TOM1L1: variants seen among roughly 807,000 people sequenced by gnomAD.
The protein encoded by TOM1L1 is target of myb1 like 1 membrane trafficking protein, also known as TOM1-like protein 1.
A neutral mutation model predicts 63.4 loss-of-function variants in TOM1L1; 64 were observed. The observed-to-expected ratio is 1.01, with a 90% CI of 0.83 to 1.24. The LOEUF (loss-of-function observed/expected upper bound fraction) is 1.24. TOM1L1 is among the 50% of genes most tolerant of loss of function. The pLI is 0.00. For missense variants in TOM1L1, 536 were observed against 567.0 expected (o/e 0.95, Z 0.55); for synonymous variants, 166 against 194.4 (o/e 0.85, Z 1.22).
chr17:54,931,236 A>T (rs2143861895), intron 8 of TOM1L1, among the ~76,000 whole-genome samples: 1 of 152,284 alleles, frequency 6.6e-6, no homozygotes, highest in East Asian at 1.9e-4. Flanking sequence ...TAAGTTGCAT[A>T]ACTTTTCTAA....
Position 54,937,123 on chromosome 17 carries a change from T to C in TOM1L1, c.930T>C (p.Pro310=). ...TTTGTTTTCAGACTACCAGTGAGCC[T>C]TCTGCCCCATCTCAAGATCTCCTCG... ...QKEATNTTSE[P]SAPSQDLLDL... Residue 310 remains proline (P), a synonymous_variant, in exon 10 of 16, where the codon CCT becomes CCC. Coordinates refer to ENST00000575882, the MANE Select transcript of TOM1L1 (RefSeq NM_005486.3). 1.2e-6 allele frequency: 2 copies of C among 1,611,482 alleles called. No individual in the cohort carries two copies. The highest frequency in any genetic ancestry group is 8.5e-7 in the Non-Finnish European group (1 of 1,178,650).
rs766574996 is a variant in TOM1L1, at chr17:54,914,727, C to T, written c.587C>T (p.Thr196Ile). 1 of 1,612,076 alleles carries T rather than the reference C, an allele frequency of 6.2e-7. No individual in the cohort carries two copies. Among genetic ancestry groups the T allele is most frequent in the South Asian group, 1.1e-5 (1 of 91,038 alleles). The change falls in exon 6 of 16, where the codon ACA (threonine) becomes ATA (isoleucine). Residue 196 changes from threonine (T) to isoleucine (I), a missense_variant. Coordinates refer to ENST00000575882, the MANE Select transcript of TOM1L1 (RefSeq NM_005486.3). ...SVIAPKNSTVTLVPEQIGKLH... is the reference protein window; with the variant it reads ...SVIAPKNSTVILVPEQIGKLH... ...ATTGCTCCAAAGAACTCGACTGTTA[C>T]ATTGGTCCCAGAACAGGTAACAACA...
Position 54,913,867 on chromosome 17 carries a change from A to C in TOM1L1, c.492A>C (p.Arg164Ser), listed in dbSNP as rs371117920. 6.2e-7 allele frequency: 1 copy of C among 1,607,122 alleles called. No individual in the cohort carries two copies. Among genetic ancestry groups the C allele is most frequent in the African/African-American group, 1.3e-5 (1 of 74,702 alleles). ...CAGAAGCAGAGGCTGAAACAGCAAG[A>C]CAAGAGGTAGGAGGCCTTTCTTTGA... The part of the protein sequence containing the change: ...PPSEAEAETA[R>S]QETAQISSNP... The change falls in exon 5 of 16, where the codon AGA (arginine) becomes AGC (serine). Residue 164 changes from arginine (R) to serine (S), a missense_variant. Transcript: ENST00000575882.
intron 7 of TOM1L1, among the ~76,000 whole-genome samples, chr17:54,928,077 C>T (rs1421374640): frequency 1.3e-5 from 2 of 152,216 alleles, no homozygotes; most frequent in Non-Finnish European, 2.9e-5. Context: ...TTTCTGTACA[C>T]TCTTTAAAGC....
At chr17:54,923,258 G>A (rs1042399206) in intron 7 of TOM1L1, among the ~76,000 whole-genome samples, 1 of 152,132 alleles carries the variant, frequency 6.6e-6, no homozygotes, top group Non-Finnish European at 1.5e-5. Context: ...CCTAAGAGTA[G>A]AATTGCTGGG....
intron 14 of TOM1L1, chr17:54,955,155 C>A (rs530003409): frequency 3.3e-5 from 5 of 152,210 alleles, no homozygotes. Flanking sequence ...TTGAATACTT[C>A]TGGTCCTCTT....
At chr17:54,940,629 G>A (rs1037957220) in intron 11 of TOM1L1, among the ~76,000 whole-genome samples, 4 of 152,116 alleles carry the variant, frequency 2.6e-5, no homozygotes, top group African/African-American at 7.2e-5. Context: ...TTACTGTCTA[G>A]CTGGGGGATA....
chr17:54,939,086 C>T, intron 11 of TOM1L1, 66 bp downstream of exon 11: 1 of 1,142,916 alleles, frequency 8.7e-7, no homozygotes, highest in Non-Finnish European at 1.3e-6. Flanking sequence ...ATTAAGAAAA[C>T]CTGATGGCTG....
Position 54,939,035 on chromosome 17 carries a change from A to T in TOM1L1, c.1130+15A>T. ...GAGATACCCCCGTAAGTATGTCAGT[A>T]ACACTGCAGAACTAATATCATGACA... On this transcript the variant is annotated intron_variant, in intron 11 of 15. Coordinates refer to ENST00000575882, the MANE Select transcript of TOM1L1 (RefSeq NM_005486.3). The T allele has an allele frequency of 7.0e-7, 1 of 1,438,732 alleles. No homozygotes were observed. The highest frequency in any genetic ancestry group is 2.3e-5 in the East Asian group (1 of 43,794). 89.1% of individuals were successfully genotyped at this position (1,438,732 alleles called of 1,614,324 possible).
chr17:54,901,073 TC>T, intron 1 of TOM1L1, 150 bp downstream of exon 1: 1 of 1,032,230 alleles, frequency 9.7e-7, no homozygotes, highest in Middle Eastern at 2.8e-4. Flanking sequence ...GCACCCGCAT[TC>T]CACCCGGCCC....
At chr17:54,911,055 A>G (rs533889630) in intron 3 of TOM1L1, among the ~76,000 whole-genome samples, 28 of 152,326 alleles carry the variant, frequency 1.8e-4, no homozygotes, top group African/African-American at 6.7e-4. Context: ...GTTTACTTTT[A>G]GAAATCTACT....
At chr17:54,914,373 A>G (rs1423914919) in intron 5 of TOM1L1, among the ~76,000 whole-genome samples, 1 of 80,128 alleles carries the variant, frequency 1.2e-5, no homozygotes, top group Non-Finnish European at 3.0e-5. Flanking sequence ...CCTTGGTTAA[A>G]AAAAAAAAAA....
chr17:54,904,134 G>A (rs2048371758), intron 2 of TOM1L1, among the ~76,000 whole-genome samples: 1 of 152,138 alleles, frequency 6.6e-6, no homozygotes, highest in Admixed American at 6.5e-5. Context: ...TTGGGAGGCC[G>A]AGGCGGGCGG....
Position 54,905,480 on chromosome 17 carries a change from T to G in TOM1L1, c.144-9T>G. 1 of 1,599,416 alleles carries G rather than the reference T, an allele frequency of 6.3e-7. No individual in the cohort carries two copies. ...TAAATTGGTGATTTCAGTGTATTTA[T>G]TGCTATAGGCCAAAAGATGCAGTGA... On this transcript the variant is annotated splice_polypyrimidine_tract_variant and intron_variant, in intron 2 of 15. Coordinates refer to ENST00000575882, the MANE Select transcript of TOM1L1 (RefSeq NM_005486.3).
chr17:54,950,232 A>C, intron 14 of TOM1L1, 106 bp downstream of exon 14: 1 of 772,378 alleles, frequency 1.3e-6, no homozygotes, highest in Non-Finnish European at 2.1e-6. Context: ...GTCTTGGCAG[A>C]AATTGATGGC....
chr17:54,951,599 G>A (rs2049240260), intron 14 of TOM1L1, among the ~76,000 whole-genome samples: 1 of 152,114 alleles, frequency 6.6e-6, no homozygotes, highest in Admixed American at 6.5e-5. Flanking sequence ...CTGTAACAAG[G>A]GCTATGGGAG....
intron 1 of TOM1L1, among the ~76,000 whole-genome samples, chr17:54,902,917 T>C (rs1173164987): frequency 6.6e-6 from 1 of 152,216 alleles, no homozygotes; most frequent in African/African-American, 2.4e-5. Context: ...TAGATGCTTA[T>C]TATTATTAGT....
At chr17:54,909,202 T>C (rs973635256) in intron 3 of TOM1L1, among the ~76,000 whole-genome samples, 11 of 152,206 alleles carry the variant, frequency 7.2e-5, no homozygotes, top group Non-Finnish European at 1.5e-4. Context: ...GAGGTTGCAG[T>C]GAGCCTAGAT....
intron 1 of TOM1L1, among the ~76,000 whole-genome samples, chr17:54,902,219 A>G (rs146544517): frequency 3.9e-5 from 6 of 152,306 alleles, no homozygotes; most frequent in East Asian, 3.9e-4. Flanking sequence ...TGAAGGGTGA[A>G]TAGGAGTTTT....
Sources: allele counts gnomAD v4.1 joint callset (sites outside exome capture counted in the v4.1 genomes callset), GRCh38; gene constraint gnomAD v4.1.1; transcripts MANE v1.5; gene names NCBI Gene and HGNC (gene_info 2026-07-23, HGNC 2026-07-21).